DOCK1: variants seen among roughly 807,000 people sequenced by gnomAD.
DOCK1 encodes dedicator of cytokinesis protein 1.
Under a neutral mutation model 262.7 loss-of-function variants are expected in DOCK1, and 138 were observed. The observed-to-expected ratio is 0.53, with a 90% confidence interval of 0.46 to 0.61. DOCK1 has a LOEUF of 0.61. DOCK1 is among the 20% of genes least tolerant of loss of function. The pLI is 0.00. For synonymous variants in DOCK1, 866 were observed against 867.4 expected (o/e 1.00, Z 0.03); for missense variants, 1,908 against 2,370.7 (o/e 0.80, Z 4.05).
chr10:127,310,202 G>T (rs1348626031), intron 29 of DOCK1, among the ~76,000 whole-genome samples: 2 of 152,070 alleles, frequency 1.3e-5, no homozygotes, highest in Non-Finnish European at 2.9e-5. Context: ...ATAGATCCTG[G>T]TGAGAATCGG....
At chr10:127,290,335 A>G (rs1220582350) in intron 29 of DOCK1, among the ~76,000 whole-genome samples, 1 of 152,104 alleles carries the variant, frequency 6.6e-6, no homozygotes, top group African/African-American at 2.4e-5. Context: ...TTTGTTTAAT[A>G]CCATGAAACT....
chr10:127,168,296 A>G (rs554376923), intron 27 of DOCK1, among the ~76,000 whole-genome samples: 34 of 152,356 alleles, frequency 2.2e-4, no homozygotes, highest in African/African-American at 7.0e-4. Context: ...GGAGAGAGAC[A>G]TCGAAACTGA....
intron 6 of DOCK1, among the ~76,000 whole-genome samples, chr10:126,994,873 C>T (rs2040057353): frequency 1.3e-5 from 2 of 152,200 alleles, no homozygotes; most frequent in Admixed American, 6.5e-5. Context: ...CAGAGGGGCT[C>T]CTCACTTCCC....
intron 10 of DOCK1, among the ~76,000 whole-genome samples, chr10:127,003,245 C>G (rs892698108): frequency 3.3e-5 from 5 of 151,394 alleles, no homozygotes; most frequent in African/African-American, 1.2e-4. Context: ...CCTGTGTGAA[C>G]CCACGTGAAC....
intron 27 of DOCK1, among the ~76,000 whole-genome samples, chr10:127,163,927 C>T (rs1172865079): frequency 6.6e-6 from 1 of 151,470 alleles, no homozygotes; most frequent in African/African-American, 2.4e-5. Context: ...CCTCGCAGCT[C>T]CCCAGATGTG....
intron 51 of DOCK1, among the ~76,000 whole-genome samples, chr10:127,448,183 C>T (rs1413468807): frequency 6.6e-6 from 1 of 152,128 alleles, no homozygotes. Flanking sequence ...CTGGCTTCCT[C>T]CAGCAGCACT....
chr10:127,422,311 T>C (rs960586865), intron 46 of DOCK1, among the ~76,000 whole-genome samples: 1 of 151,744 alleles, frequency 6.6e-6, no homozygotes, highest in African/African-American at 2.4e-5. Context: ...GGACTACAGA[T>C]GTGTGCCACC....
At chr10:127,404,579 G>C in intron 40 of DOCK1, 150 bp downstream of exon 40, 1 of 676,664 alleles carries the variant, frequency 1.5e-6, no homozygotes, top group Non-Finnish European at 2.5e-6. Context: ...CCGGGGGGCA[G>C]AGAGGGGTTG....
intron 29 of DOCK1, among the ~76,000 whole-genome samples, chr10:127,324,027 G>T (rs1220922406): frequency 6.6e-6 from 1 of 152,240 alleles, no homozygotes; most frequent in Non-Finnish European, 1.5e-5. Flanking sequence ...TGAGGAGGGG[G>T]AGCGGTGGCT....
At chr10:127,388,715 C>T (rs1243962856) in intron 38 of DOCK1, among the ~76,000 whole-genome samples, 1 of 152,292 alleles carries the variant, frequency 6.6e-6, no homozygotes, top group African/African-American at 2.4e-5. Context: ...CAAAGAGTCC[C>T]CCGCCCTGGG....
intron 27 of DOCK1, among the ~76,000 whole-genome samples, chr10:127,178,335 G>C (rs1370959476): frequency 6.6e-6 from 1 of 152,250 alleles, no homozygotes; most frequent in Non-Finnish European, 1.5e-5. Flanking sequence ...GGTGGGACCA[G>C]AGTTTCTAAA....
At chr10:126,916,683 T>C (rs1038346173) in intron 1 of DOCK1, among the ~76,000 whole-genome samples, 1 of 151,202 alleles carries the variant, frequency 6.6e-6, no homozygotes, top group Non-Finnish European at 1.5e-5. Context: ...CCTCCTTCCT[T>C]TCCTCCTTCC....
intron 16 of DOCK1, among the ~76,000 whole-genome samples, chr10:127,028,729 A>G (rs9418712): frequency 0.17 from 26,232 of 152,232 alleles, 2,425 homozygotes; most frequent in South Asian, 0.33. Context: ...AGAACCAGCT[A>G]GGGCGTGGCA....
intron 29 of DOCK1, among the ~76,000 whole-genome samples, chr10:127,263,775 C>A (rs2060261557): frequency 6.6e-6 from 1 of 152,158 alleles, no homozygotes; most frequent in Non-Finnish European, 1.5e-5. Flanking sequence ...AGCAATCATA[C>A]CATGGCTATC....
chr10:127,028,582 T>C (rs1283124684), intron 16 of DOCK1, among the ~76,000 whole-genome samples: 2 of 152,170 alleles, frequency 1.3e-5, no homozygotes, highest in Non-Finnish European at 2.9e-5. Flanking sequence ...AGCCTTATGC[T>C]CCAATGCCTT....
intron 29 of DOCK1, among the ~76,000 whole-genome samples, chr10:127,304,640 T>A (rs2135454603): frequency 6.6e-6 from 1 of 152,296 alleles, no homozygotes; most frequent in Non-Finnish European, 1.5e-5. Flanking sequence ...AATCTTAGCA[T>A]TTTGGGAGGT....
chr10:127,186,280 C>T (rs1255292798), intron 27 of DOCK1, among the ~76,000 whole-genome samples: 1 of 152,100 alleles, frequency 6.6e-6, no homozygotes, highest in Admixed American at 6.5e-5. Context: ...GCTGGGGAGG[C>T]CTCAAGAAAC....
At chr10:127,049,953 T>C (rs554974611) in intron 21 of DOCK1, among the ~76,000 whole-genome samples, 55 of 144,816 alleles carry the variant, frequency 3.8e-4, no homozygotes, top group African/African-American at 1.1e-3. Flanking sequence ...AACAGCATAA[T>C]GACAAAACTG....
chr10:127,094,907 G>T (rs1410211768), intron 23 of DOCK1, among the ~76,000 whole-genome samples: 1 of 152,200 alleles, frequency 6.6e-6, no homozygotes, highest in African/African-American at 2.4e-5. Context: ...CCTGGAAGCT[G>T]TCTAGACAGG....
Sources: allele counts gnomAD v4.1 joint callset (sites outside exome capture counted in the v4.1 genomes callset), GRCh38; gene constraint gnomAD v4.1.1; transcripts MANE v1.5; gene names NCBI Gene and HGNC (gene_info 2026-07-23, HGNC 2026-07-21).